The following PTPN13 variants were observed in gnomAD, a reference collection of about 807,000 sequenced individuals.
PTPN13 encodes tyrosine-protein phosphatase non-receptor type 13.
In PTPN13, 191 loss-of-function variants were observed where a neutral mutation model predicts 284.0. The observed-to-expected ratio is 0.67, with a 90% CI of 0.60 to 0.76. The LOEUF is 0.76. Ranked by LOEUF, PTPN13 falls within the 30% of genes least tolerant of loss-of-function variation. The pLI is 0.00. For synonymous variants in PTPN13, 986 were observed against 1,022.3 expected (o/e 0.96, Z 0.68); for missense variants, 2,797 against 2,939.9 (o/e 0.95, Z 1.12).
At chr4:86,813,503 TCC>T (rs1221485632) in intron 47 of PTPN13, among the ~76,000 whole-genome samples, 2 of 152,148 alleles carry the variant, frequency 1.3e-5, no homozygotes, top group East Asian at 3.9e-4. Flanking sequence ...TGGAGCACAG[TCC>T]GTGATCTCTG....
chr4:86,778,275 G>A (rs1740877102), intron 35 of PTPN13, among the ~76,000 whole-genome samples: 1 of 152,142 alleles, frequency 6.6e-6, no homozygotes, highest in Non-Finnish European at 1.5e-5. Context: ...GGATTTTACT[G>A]TACTTGCAAG....
intron 17 of PTPN13, among the ~76,000 whole-genome samples, chr4:86,747,785 G>C (rs1736946817): frequency 6.6e-6 from 1 of 152,148 alleles, no homozygotes; most frequent in Non-Finnish European, 1.5e-5. Flanking sequence ...TTTCCCCTTG[G>C]CTTATAAGTA....
intron 7 of PTPN13, among the ~76,000 whole-genome samples, chr4:86,708,605 C>T (rs566169534): frequency 4.6e-5 from 7 of 152,114 alleles, no homozygotes; most frequent in African/African-American, 1.2e-4. Flanking sequence ...TCTCTAAGGA[C>T]GGATTGATAT....
At chr4:86,744,817 T>A in intron 16 of PTPN13, 149 bp from the exon 17 acceptor site, 1 of 687,738 alleles carries the variant, frequency 1.5e-6, no homozygotes. Context: ...CATGATGTAT[T>A]TCTTGGAACA....
At chr4:86,638,234 G>A (rs1332158054) in intron 2 of PTPN13, among the ~76,000 whole-genome samples, 9 of 152,240 alleles carry the variant, frequency 5.9e-5, no homozygotes, top group Middle Eastern at 3.4e-3. Context: ...AGTCAATATC[G>A]TGAAAATGGC....
At chr4:86,765,726 A>G (rs1350849971) in intron 26 of PTPN13, among the ~76,000 whole-genome samples, 1 of 152,214 alleles carries the variant, frequency 6.6e-6, no homozygotes, top group Non-Finnish European at 1.5e-5. Context: ...TAAAAAAATT[A>G]AAAAGGAAAG....
At chr4:86,704,226 C>G (rs1223496590) in intron 7 of PTPN13, among the ~76,000 whole-genome samples, 1 of 152,028 alleles carries the variant, frequency 6.6e-6, no homozygotes, top group Non-Finnish European at 1.5e-5. Context: ...TATGTGTGAT[C>G]TAAGTTTCAA....
intron 23 of PTPN13, among the ~76,000 whole-genome samples, chr4:86,759,407 A>G (rs922727854): frequency 1.3e-5 from 2 of 152,224 alleles, no homozygotes; most frequent in Admixed American, 1.3e-4. Context: ...GAGACAAAGC[A>G]CTTGATGAAG....
chr4:86,795,152 G>A (rs1371748923), intron 40 of PTPN13, among the ~76,000 whole-genome samples: 1 of 152,176 alleles, frequency 6.6e-6, no homozygotes, highest in Non-Finnish European at 1.5e-5. Flanking sequence ...ATCTGACAAA[G>A]GACTAATATC....
intron 9 of PTPN13, among the ~76,000 whole-genome samples, chr4:86,718,808 T>G (rs1733320640): frequency 1.3e-5 from 2 of 152,124 alleles, no homozygotes; most frequent in South Asian, 4.1e-4. Context: ...TTTAAAATAG[T>G]CTATAATTTT....
At chr4:86,595,429 C>G (rs930443404) in intron 1 of PTPN13, among the ~76,000 whole-genome samples, 3 of 152,038 alleles carry the variant, frequency 2.0e-5, no homozygotes, top group Non-Finnish European at 4.4e-5. Flanking sequence ...GAGCAGACAG[C>G]TGGGAAGCTA....
rs1212295516 is a variant in PTPN13 at position 86,701,734 on chromosome 4, T to C, written c.1128T>C (p.Ser376=). ...RELPTSSAIS[S]ALDRIRERQK... is the part of the protein sequence containing the mutation. ...TGCCCACCTCCTCAGCAATATCAAG[T>C]GCTTTGGACCGAATCCGAGAGAGAC... Residue 376 remains serine (S), a synonymous_variant, in exon 7 of 48, where the codon AGT becomes AGC. Transcript: ENST00000411767. 1 of 1,613,942 alleles carries C rather than the reference T, an allele frequency of 6.2e-7. No individual in the cohort carries two copies. The highest frequency in any genetic ancestry group is 1.7e-5 in the Admixed American group (1 of 60,012).
At chr4:86,792,194 G>A (rs1282582570) in intron 40 of PTPN13, among the ~76,000 whole-genome samples, 4 of 152,142 alleles carry the variant, frequency 2.6e-5, no homozygotes, top group East Asian at 1.9e-4. Context: ...ACCACAGCAC[G>A]AGAACTTCAT....
intron 9 of PTPN13, among the ~76,000 whole-genome samples, chr4:86,719,287 T>A (rs1206330947): frequency 1.3e-5 from 2 of 152,226 alleles, no homozygotes; most frequent in Non-Finnish European, 2.9e-5. Context: ...CCTCTATCCA[T>A]GTTCCCACAA....
chr4:86,780,739 T>G (rs986811827), intron 36 of PTPN13, among the ~76,000 whole-genome samples: 1 of 152,206 alleles, frequency 6.6e-6, no homozygotes, highest in African/African-American at 2.4e-5. Context: ...ACTGAAAAAC[T>G]GGTTGTAATA....
At chr4:86,738,605 G>A (rs1375279300) in intron 15 of PTPN13, among the ~76,000 whole-genome samples, 3 of 152,018 alleles carry the variant, frequency 2.0e-5, no homozygotes, top group Non-Finnish European at 1.5e-5. Context: ...AAATATTCTG[G>A]ATACAAGTCT....
At chr4:86,620,115 A>G (rs1248529866) in intron 1 of PTPN13, among the ~76,000 whole-genome samples, 2 of 152,220 alleles carry the variant, frequency 1.3e-5, no homozygotes, top group African/African-American at 4.8e-5. Flanking sequence ...ACATTTGGGT[A>G]TGGTAAGATT....
At chr4:86,812,960 A>C (rs1243307967) in intron 47 of PTPN13, among the ~76,000 whole-genome samples, 2 of 152,082 alleles carry the variant, frequency 1.3e-5, no homozygotes, top group Non-Finnish European at 2.9e-5. Context: ...TGGAGTGGTA[A>C]GTGTGGACAG....
In PTPN13 at chr4:86,767,911, A is replaced by G; in HGVS notation, c.4424A>G (p.Gln1475Arg). 2 of 1,610,184 alleles carry G rather than the reference A, an allele frequency of 1.2e-6. No individual in the cohort carries two copies. Among genetic ancestry groups the G allele is most frequent in the Non-Finnish European group, 1.7e-6 (2 of 1,178,100 alleles). Residue 1475 changes from glutamine (Q) to arginine (R), a missense_variant, in exon 28 of 48, where the codon CAA becomes CGA. Gln to Arg is a conservative substitution (Grantham distance 43). Transcript: ENST00000411767. ...TGTACCCTTTCAGATCAGAATGCCCAAGGTCAAGGCCCAGAAAAAGTGAAG... is the reference window on the plus strand; with the variant it reads ...TGTACCCTTTCAGATCAGAATGCCCGAGGTCAAGGCCCAGAAAAAGTGAAG... ...PQCTLSDQNAQGQGPEKVKKT... is the reference protein window; with the variant it reads ...PQCTLSDQNARGQGPEKVKKT...
Sources: gnomAD v4.1 joint callset for allele counts (sites outside exome capture counted in the v4.1 genomes callset) on GRCh38, gnomAD v4.1.1 for gene constraint, MANE v1.5 for transcripts, NCBI Gene and HGNC (gene_info 2026-07-23, HGNC 2026-07-21) for gene names.